The following ANGPT1 variants were observed in gnomAD, a reference collection of about 807,000 sequenced individuals.
ANGPT1 encodes the protein angiopoietin 1, also known as angiopoietin-1.
In ANGPT1, 17 loss-of-function variants were observed where a neutral mutation model predicts 62.2. The ratio of observed to expected loss-of-function variants is 0.27; its 90% CI spans 0.19 to 0.41. The LOEUF (loss-of-function observed/expected upper bound fraction) is 0.41. Ranked by LOEUF, ANGPT1 falls within the 10% of genes least tolerant of loss-of-function variation. The pLI, the probability that ANGPT1 is intolerant of heterozygous loss-of-function variation, is 1.00. For synonymous variants in ANGPT1, 199 were observed against 198.9 expected (o/e 1.00, Z 0.00); for missense variants, 478 against 594.9 (o/e 0.80, Z 2.04).
chr8:107,457,865 CA>C (rs754775642), intron 1 of ANGPT1, among the ~76,000 whole-genome samples: 9,845 of 115,454 alleles, frequency 0.085, 555 homozygotes, highest in African/African-American at 0.18. Context: ...CACACACACA[CA>C]CCAAGAGGGG....
chr8:107,284,403 C>A, intron 7 of ANGPT1: 1 of 205,058 alleles, frequency 4.9e-6, no homozygotes, highest in Non-Finnish European at 9.7e-6. Context: ...TTCACTGCAA[C>A]TGCATGATAA....
At chr8:107,338,407 G>C (rs1452881290) in intron 2 of ANGPT1, among the ~76,000 whole-genome samples, 1 of 152,230 alleles carries the variant, frequency 6.6e-6, no homozygotes, top group Non-Finnish European at 1.5e-5. Context: ...GTCTGATGTG[G>C]TCTCACTTGC....
chr8:107,383,584 G>A (rs1299608308), intron 1 of ANGPT1, among the ~76,000 whole-genome samples: 1 of 152,140 alleles, frequency 6.6e-6, no homozygotes, highest in South Asian at 2.1e-4. Flanking sequence ...TTACTTTAGA[G>A]GCAGGCACTT....
chr8:107,301,883 T>C (rs1292693053), intron 5 of ANGPT1, among the ~76,000 whole-genome samples: 2 of 151,898 alleles, frequency 1.3e-5, no homozygotes, highest in African/African-American at 4.8e-5. Context: ...GAAAATAGAA[T>C]TGTATCAGAC....
chr8:107,306,897 A>G (rs1291159164), intron 4 of ANGPT1, among the ~76,000 whole-genome samples: 7 of 150,250 alleles, frequency 4.7e-5, no homozygotes, highest in Non-Finnish European at 8.9e-5. Flanking sequence ...TTAAAAATTA[A>G]AAAAAAAAGT....
intron 2 of ANGPT1, among the ~76,000 whole-genome samples, chr8:107,343,404 G>C (rs1230329331): frequency 2.0e-5 from 3 of 152,146 alleles, no homozygotes; most frequent in African/African-American, 7.2e-5. Flanking sequence ...CAGCAAGGCT[G>C]ATGAAGAGCC....
chr8:107,458,559 T>A (rs1027186273), intron 1 of ANGPT1, among the ~76,000 whole-genome samples: 1 of 152,148 alleles, frequency 6.6e-6, no homozygotes, highest in African/African-American at 2.4e-5. Context: ...TAGTAGATAA[T>A]TATTGGTGAG....
At chr8:107,477,710 A>T (rs1288489975) in intron 1 of ANGPT1, among the ~76,000 whole-genome samples, 1 of 152,158 alleles carries the variant, frequency 6.6e-6, no homozygotes, top group East Asian at 1.9e-4. Flanking sequence ...TATATTCTAT[A>T]AAACTAGCTC....
In ANGPT1 at chr8:107,485,631, G is replaced by A. The variant is rs118027410; in HGVS notation, c.297+11631C>T. On this transcript the variant is annotated intron_variant, in intron 1 of 8. Coordinates refer to ENST00000517746, the MANE Select transcript of ANGPT1 (RefSeq NM_001146.5). ...ATAGGGACAATGATAAATAAAATAG[G>A]AAGTGAGATAAGAGGTCATTGCCTA... Among the ~76,000 whole-genome samples, 1,342 of 152,298 alleles carry A rather than the reference G, an allele frequency of 8.8e-3. 10 individuals carry two copies. Among genetic ancestry groups the A allele is most frequent in the Non-Finnish European group, 0.013 (889 of 68,016 alleles).
chr8:107,438,722 C>T (rs1260859567), intron 1 of ANGPT1, among the ~76,000 whole-genome samples: 1 of 152,084 alleles, frequency 6.6e-6, no homozygotes, highest in East Asian at 1.9e-4. Flanking sequence ...ACAAAAACCA[C>T]TCCAGATGCA....
In ANGPT1 at chr8:107,258,419, A is replaced by G. The variant is rs562675541; in HGVS notation, c.1336+5802T>C. Among the ~76,000 whole-genome samples, 4 of 152,334 alleles carry G rather than the reference A, an allele frequency of 2.6e-5. No individual in the cohort carries two copies. In the South Asian group the frequency reaches 8.3e-4, roughly 32 times the overall value. On this transcript the variant is annotated intron_variant, in intron 8 of 8. Transcript: ENST00000517746. ...ATATAAATCATTTAGAATAATATAA[A>G]CGTATCCATTAGAAAGAGCTCAATA...
chr8:107,371,164 TGGAAAA>T (rs903901545), intron 1 of ANGPT1, among the ~76,000 whole-genome samples: 16 of 152,104 alleles, frequency 1.1e-4, no homozygotes, highest in African/African-American at 3.4e-4. Context: ...ACTTTAAGGC[TGGAAAA>T]GGAAAAGGAA....
At chr8:107,331,885 A>G (rs1815430043) in intron 3 of ANGPT1, among the ~76,000 whole-genome samples, 1 of 152,084 alleles carries the variant, frequency 6.6e-6, no homozygotes, top group African/African-American at 2.4e-5. Flanking sequence ...CCGTCTTTGT[A>G]TACATGGGGT....
Position 107,347,973 on chromosome 8 carries a change from C to A in ANGPT1, c.298-876G>T, listed in dbSNP as rs143033191. On this transcript the variant is annotated intron_variant, in intron 1 of 8. Transcript: ENST00000517746. Reference sequence around the variant, plus strand: ...CTGGGAAAATAAAGCTGAACATATGCATTGTTTGAAAAATACAAGGAAACC... The same window carrying A: ...CTGGGAAAATAAAGCTGAACATATGAATTGTTTGAAAAATACAAGGAAACC... Among the ~76,000 whole-genome samples the A allele has an allele frequency of 8.8e-3, 1,337 of 152,246 alleles. 23 individuals are homozygous for A. The highest frequency in any genetic ancestry group is 0.03 in the African/African-American group (1,253 of 41,538).
intron 1 of ANGPT1, among the ~76,000 whole-genome samples, chr8:107,386,926 T>A (rs1443008805): frequency 6.6e-6 from 1 of 152,104 alleles, no homozygotes; most frequent in Non-Finnish European, 1.5e-5. Context: ...AATTGTATTA[T>A]TTTTGAGAGT....
intron 1 of ANGPT1, among the ~76,000 whole-genome samples, chr8:107,416,660 T>G (rs1016854017): frequency 1.3e-5 from 2 of 152,148 alleles, no homozygotes; most frequent in Non-Finnish European, 2.9e-5. Context: ...ACTAATAGAC[T>G]GAGAGGGGAA....
chr8:107,280,715 T>C (rs919698624), intron 7 of ANGPT1, among the ~76,000 whole-genome samples: 1 of 151,998 alleles, frequency 6.6e-6, no homozygotes, highest in Non-Finnish European at 1.5e-5. Flanking sequence ...ATGGCAGCAA[T>C]AGGTGCATAA....
At chr8:107,306,166 G>C (rs746989471) in intron 4 of ANGPT1, among the ~76,000 whole-genome samples, 2 of 152,198 alleles carry the variant, frequency 1.3e-5, no homozygotes, top group South Asian at 4.1e-4. Context: ...TCTTATGGAA[G>C]AGACACTAGC....
At chr8:107,270,791 T>C (rs976293354) in intron 7 of ANGPT1, among the ~76,000 whole-genome samples, 1 of 151,948 alleles carries the variant, frequency 6.6e-6, no homozygotes, top group African/African-American at 2.4e-5. Flanking sequence ...AGTGAATATA[T>C]TAAAGACATT....
Sources: allele counts gnomAD v4.1 joint callset (sites outside exome capture counted in the v4.1 genomes callset), GRCh38; gene constraint gnomAD v4.1.1; transcripts MANE v1.5; gene names NCBI Gene and HGNC (gene_info 2026-07-23, HGNC 2026-07-21).